The following RNF38 variants were observed in gnomAD, a reference collection of about 807,000 sequenced individuals.
The protein encoded by RNF38 is E3 ubiquitin-protein ligase RNF38.
A neutral mutation model predicts 67.2 loss-of-function variants in RNF38; 15 were observed. The ratio of observed to expected loss-of-function variants is 0.22; its 90% CI spans 0.15 to 0.34. The LOEUF is 0.34. Among genes scored for constraint, RNF38 ranks in the 10% least tolerant of loss-of-function variants. The pLI is 1.00. For missense variants in RNF38, 524 were observed against 639.9 expected, an observed-to-expected ratio of 0.82 and a Z score of 1.95; for synonymous variants, 220 against 218.8, an observed-to-expected ratio of 1.01 and a Z score of -0.05.
chr9:36,447,435 G>A (rs1034457879), intron 1 of RNF38, among the ~76,000 whole-genome samples: 11 of 152,090 alleles, frequency 7.2e-5, no homozygotes, highest in African/African-American at 2.2e-4. Flanking sequence ...TTCATTTACC[G>A]TAAATTCAGG....
chr9:36,415,186 T>C (rs1262520647), intron 2 of RNF38, among the ~76,000 whole-genome samples: 1 of 152,210 alleles, frequency 6.6e-6, no homozygotes, highest in African/African-American at 2.4e-5. Flanking sequence ...CAATTATTCT[T>C]AGGCTTGATC....
At chr9:36,417,958 A>C (rs970681229) in intron 2 of RNF38, among the ~76,000 whole-genome samples, 1 of 152,212 alleles carries the variant, frequency 6.6e-6, no homozygotes, top group African/African-American at 2.4e-5. Flanking sequence ...TGGTAAGAAA[A>C]AACAATCTGT....
chr9:36,353,280 C>T lies in RNF38; in HGVS notation c.961G>A (p.Val321Ile), dbSNP rs1169471346. The T allele has an allele frequency of 6.2e-7, 1 of 1,613,050 alleles. No homozygotes were observed. The highest frequency in any genetic ancestry group is 1.1e-5 in the South Asian group (1 of 90,966). ...EVELLGEHLP[V>I]GGFTYPPSAH... ...GATGGAGGGTAAGTAAAACCTCCTA[C>T]TGGAAGATGTTCTCCTAAGAGTTCC... The change falls in exon 7 of 12, where the codon GTA (valine) becomes ATA (isoleucine). Residue 321 changes from valine (V) to isoleucine (I), a missense_variant. Val to Ile is a conservative substitution (Grantham distance 29). Transcript: ENST00000259605.
chr9:36,416,425 G>A (rs1295463335), intron 2 of RNF38, among the ~76,000 whole-genome samples: 2 of 152,086 alleles, frequency 1.3e-5, no homozygotes, highest in Non-Finnish European at 1.5e-5. Context: ...TTAGAGCAAG[G>A]CTGAGATTTT....
chr9:36,475,777 G>A (rs987807603), intron 1 of RNF38, among the ~76,000 whole-genome samples: 6 of 151,160 alleles, frequency 4.0e-5, no homozygotes, highest in Admixed American at 2.0e-4. Flanking sequence ...CAGCACTTTG[G>A]GAGGCCGAGG....
At chr9:36,339,962 A>G (rs1832720527) in intron 11 of RNF38, 148 bp from the exon 12 acceptor site, 2 of 682,698 alleles carry the variant, frequency 2.9e-6, no homozygotes, top group South Asian at 3.6e-5. Flanking sequence ...TTTTTAACCC[A>G]TAAACCTCCG....
intron 1 of RNF38, among the ~76,000 whole-genome samples, chr9:36,468,346 T>C (rs1839914022): frequency 6.6e-6 from 1 of 152,018 alleles, no homozygotes; most frequent in African/African-American, 2.4e-5. Flanking sequence ...TAATACATGC[T>C]ACCCTGAGAG....
chr9:36,453,803 T>C (rs1434242808), intron 1 of RNF38, among the ~76,000 whole-genome samples: 1 of 152,220 alleles, frequency 6.6e-6, no homozygotes, highest in Admixed American at 6.5e-5. Flanking sequence ...ATAACTGATG[T>C]GAGTCATTGC....
At chr9:36,359,642 T>C (rs1834374131) in intron 4 of RNF38, among the ~76,000 whole-genome samples, 1 of 152,188 alleles carries the variant, frequency 6.6e-6, no homozygotes, top group Admixed American at 6.5e-5. Context: ...CAGTTATTCT[T>C]ACGTATAAAA....
intron 1 of RNF38, among the ~76,000 whole-genome samples, chr9:36,433,045 T>C (rs1475145888): frequency 1.3e-5 from 2 of 151,954 alleles, no homozygotes; most frequent in East Asian, 1.9e-4. Flanking sequence ...AGAAGGTAAA[T>C]TGCTGCTGTG....
At chr9:36,447,841 T>C (rs1183355870) in intron 1 of RNF38, among the ~76,000 whole-genome samples, 3 of 152,204 alleles carry the variant, frequency 2.0e-5, no homozygotes, top group Non-Finnish European at 4.4e-5. Context: ...ACTGTATTAA[T>C]AGGACTAAAT....
intron 2 of RNF38, among the ~76,000 whole-genome samples, chr9:36,408,434 G>A (rs768810580): frequency 6.6e-6 from 1 of 152,138 alleles, no homozygotes; most frequent in Non-Finnish European, 1.5e-5. Flanking sequence ...ATGGACAGCA[G>A]TACGCCAAGC....
chr9:36,378,426 T>C (rs1835942353), intron 2 of RNF38, among the ~76,000 whole-genome samples: 1 of 152,166 alleles, frequency 6.6e-6, no homozygotes. Flanking sequence ...TCTGCCCATC[T>C]CGGCCTCCCA....
At chr9:36,440,980 C>A (rs532384133) in intron 1 of RNF38, among the ~76,000 whole-genome samples, 7 of 152,252 alleles carry the variant, frequency 4.6e-5, no homozygotes, top group African/African-American at 7.2e-5. Flanking sequence ...TGGGCAGACA[C>A]ATTTTTACTC....
intron 1 of RNF38, among the ~76,000 whole-genome samples, chr9:36,470,901 G>T (rs1839981240): frequency 6.6e-6 from 1 of 151,942 alleles, no homozygotes; most frequent in African/African-American, 2.4e-5. Flanking sequence ...GAACCCGAAG[G>T]CCCCTAACTC....
intron 2 of RNF38, among the ~76,000 whole-genome samples, chr9:36,421,781 T>C (rs527473838): frequency 6.6e-6 from 1 of 152,224 alleles, no homozygotes; most frequent in African/African-American, 2.4e-5. Context: ...AGAGAGTGAG[T>C]GTGCAGAGGG....
intron 1 of RNF38, among the ~76,000 whole-genome samples, chr9:36,435,699 G>A (rs1321814691): frequency 6.0e-5 from 9 of 150,292 alleles, no homozygotes; most frequent in Non-Finnish European, 1.3e-4. Flanking sequence ...GCGCGATCTC[G>A]GCTCCCTGCA....
chr9:36,365,147 CT>C (rs201880253), intron 4 of RNF38, among the ~76,000 whole-genome samples: 1 of 151,902 alleles, frequency 6.6e-6, no homozygotes, highest in East Asian at 1.9e-4. Flanking sequence ...GAATCATCTT[CT>C]CAAGTTACAC....
Position 36,369,869 on chromosome 9 carries a change from T to G in RNF38, c.420A>C (p.Gln140His). ...DRLSRHNSIS[Q>H]DENYHHLPYA... is the part of the protein sequence containing the mutation. ...AAGGGAGATGGTGATAGTTTTCATC[T>G]TGACTAATGGAATTATGTCGAGACA... The change falls in exon 4 of 12, where the codon CAA becomes CAC. Residue 140 changes from glutamine (Q) to histidine (H), a missense_variant. Physicochemically the swap from Gln to His is conservative, Grantham distance 24. Around this residue, in one of 2 missense-constraint regions of RNF38, gnomAD observed 461 missense variants for 517.4 expected, o/e 0.89. Coordinates refer to ENST00000259605, the MANE Select transcript of RNF38 (RefSeq NM_022781.5). 6.2e-7 allele frequency: 1 copy of G among 1,613,866 alleles called. No individual in the cohort carries two copies. The highest frequency in any genetic ancestry group is 8.5e-7 in the Non-Finnish European group (1 of 1,180,042).
Sources: gnomAD v4.1 joint callset for allele counts (sites outside exome capture counted in the v4.1 genomes callset) on GRCh38, gnomAD v4.1.1 for gene constraint, gnomAD v4.1.1 regional missense constraint, MANE v1.5 for transcripts, NCBI Gene and HGNC (gene_info 2026-07-23, HGNC 2026-07-21) for gene names.